Variants in ITSN2 observed in about 807,000 individuals in gnomAD.
The protein encoded by ITSN2 is intersectin-2.
A neutral mutation model predicts 243.7 loss-of-function variants in ITSN2; 156 were observed. The ratio of observed to expected loss-of-function variants is 0.64; its 90% CI spans 0.56 to 0.73. ITSN2 has a LOEUF of 0.73. Among genes scored for constraint, ITSN2 ranks in the 30% least tolerant of loss-of-function variants. ITSN2 has a pLI of 0.00. For synonymous variants in ITSN2, 703 were observed against 699.9 expected, an observed-to-expected ratio of 1.00 and a Z score of -0.07; for missense variants, 1,801 against 1,996.1, an observed-to-expected ratio of 0.90 and a Z score of 1.86.
chr2:24,330,544 A>C, intron 1 of ITSN2: 2 of 778,928 alleles, frequency 2.6e-6, no homozygotes, highest in South Asian at 1.3e-5. Flanking sequence ...CCTGCAAAGA[A>C]GGGAGAGAAG....
intron 30 of ITSN2, among the ~76,000 whole-genome samples, chr2:24,218,986 C>A (rs72795832): frequency 0.19 from 29,285 of 152,152 alleles, 3,264 homozygotes; most frequent in Non-Finnish European, 0.26. Context: ...ATGAGACCTG[C>A]CCCCTGCCAA....
intron 34 of ITSN2, 195 bp from the exon 35 acceptor site, chr2:24,210,228 T>C (rs1669332052): frequency 1.7e-6 from 1 of 573,336 alleles, no homozygotes; most frequent in Non-Finnish European, 3.1e-6. Flanking sequence ...GTGAAAATCA[T>C]TACTTCTAGC....
Position 24,294,197 on chromosome 2 carries a change from A to G in ITSN2, c.1636-422T>C, listed in dbSNP as rs574057929. On this transcript the variant is annotated intron_variant, in intron 14 of 39. Transcript: ENST00000355123. ...TCTCAGCACTTTGGGAGGCCAAGGC[A>G]GGTGGATCACTTGAGGTCAGGAGTT... Among the ~76,000 whole-genome samples, 3 of 152,282 alleles carry G rather than the reference A, an allele frequency of 2.0e-5. No homozygotes were observed. In the South Asian group the frequency reaches 6.2e-4, roughly 32 times the overall value.
rs66728566 is a variant in ITSN2 at position 24,347,727 on chromosome 2, C to G, written c.-34+12577G>C. 8.9e-3 allele frequency among the ~76,000 whole-genome samples: 59 copies of G among 6,642 alleles called. No individual in the cohort carries two copies. The South Asian group carries it at 0.23, about 25-fold the overall frequency. The allele number at this position is 6,642 out of a possible 152,430, so 4.4% of individuals were successfully genotyped here. On this transcript the variant is annotated intron_variant, in intron 1 of 39. Coordinates refer to ENST00000355123, the MANE Select transcript of ITSN2 (RefSeq NM_006277.3). Reference sequence around the variant, plus strand: ...GAATATGAATGTAAATTTGGGTTTTCTTTTTTTTTTAATCTTACATGAACC... The same window carrying G: ...GAATATGAATGTAAATTTGGGTTTTGTTTTTTTTTTAATCTTACATGAACC...
At chr2:24,348,932 A>G (rs1165077444) in intron 1 of ITSN2, among the ~76,000 whole-genome samples, 1 of 152,208 alleles carries the variant, frequency 6.6e-6, no homozygotes, top group African/African-American at 2.4e-5. Flanking sequence ...ACTTTTGAAT[A>G]TAATATCAAA....
At chr2:24,302,262 G>T (rs549215685) in intron 9 of ITSN2, among the ~76,000 whole-genome samples, 160 bp from the exon 10 acceptor site, 1 of 151,938 alleles carries the variant, frequency 6.6e-6, no homozygotes, top group African/African-American at 2.4e-5. Context: ...GCAGTGGCGC[G>T]ATCTCAGCTC....
intron 20 of ITSN2, among the ~76,000 whole-genome samples, chr2:24,264,910 G>A (rs1676468795): frequency 6.7e-6 from 1 of 150,220 alleles, no homozygotes; most frequent in Non-Finnish European, 1.5e-5. Flanking sequence ...CTCGTCATTT[G>A]CTACAAAAAC....
chr2:24,337,337 T>TATATATATATATATAC (rs1558650656), intron 1 of ITSN2, among the ~76,000 whole-genome samples: 20 of 111,734 alleles, frequency 1.8e-4, no homozygotes, highest in South Asian at 1.6e-3. Flanking sequence ...TATATATATA[T>TATATATATATATATAC]ATATATATAT....
intron 29 of ITSN2, among the ~76,000 whole-genome samples, chr2:24,244,349 T>C (rs930275555): frequency 6.6e-6 from 1 of 152,148 alleles, no homozygotes; most frequent in Admixed American, 6.5e-5. Flanking sequence ...CTTCATAAAA[T>C]AGGCGGGGGA....
At position 24,225,090 on chromosome 2, in the gene ITSN2, G is replaced by A. The variant is rs1286492982; in HGVS notation, c.3578-4024C>T. The stretch of plus-strand genomic sequence containing the variant: ...TCCCTGTGTGTCCTTCCTGAGTTAG[G>A]GAAGGAGGGGTCCTGTTTCTTTCTA... On this transcript the variant is annotated intron_variant, in intron 29 of 39. Transcript: ENST00000355123. The surrounding 1 kb of genome is among the most constrained non-coding windows in gnomAD (Gnocchi z 4.2). Among the ~76,000 whole-genome samples, 1 of 152,250 alleles carries A rather than the reference G, an allele frequency of 6.6e-6. No individual in the cohort carries two copies. Among genetic ancestry groups the A allele is most frequent in the Non-Finnish European group, 1.5e-5 (1 of 68,020 alleles).
At chr2:24,266,112 C>A (rs917171176) in intron 20 of ITSN2, among the ~76,000 whole-genome samples, 3 of 152,210 alleles carry the variant, frequency 2.0e-5, no homozygotes, top group African/African-American at 7.2e-5. Flanking sequence ...CAAGGCCTTC[C>A]TCCATCCTAT....
intron 23 of ITSN2, among the ~76,000 whole-genome samples, chr2:24,257,424 G>A (rs544636914): frequency 2.0e-5 from 3 of 151,766 alleles, no homozygotes; most frequent in Admixed American, 6.6e-5. Context: ...AAATACCTGA[G>A]GTATGCTTTT....
chr2:24,282,951 TTC>T (rs1019408164), intron 17 of ITSN2, among the ~76,000 whole-genome samples: 11 of 151,994 alleles, frequency 7.2e-5, no homozygotes, highest in African/African-American at 2.4e-5. Context: ...ATCTCAATCT[TTC>T]TCTCTTTCCC....
chr2:24,286,199 C>G lies in ITSN2; in HGVS notation c.1863+13G>C. 1 of 1,511,952 alleles carries G rather than the reference C, an allele frequency of 6.6e-7. No individual in the cohort carries two copies. The highest frequency in any genetic ancestry group is 1.2e-5 in the South Asian group (1 of 81,008). The allele number at this position is 1,511,952 out of a possible 1,614,324, so 93.7% of individuals were successfully genotyped here. ...GCAGTTACCTAAAAATAAATAGTAT[C>G]AAAAATAAATACCTTTAGTTGATTG... On this transcript the variant is annotated intron_variant, in intron 16 of 39. Coordinates refer to ENST00000355123, the MANE Select transcript of ITSN2 (RefSeq NM_006277.3).
In ITSN2 at chr2:24,339,450, G is replaced by A. The variant is rs1042990591; in HGVS notation, c.-33-11335C>T. 4.1e-4 allele frequency among the ~76,000 whole-genome samples: 60 copies of A among 145,230 alleles called. 1 individual carries two copies. The highest frequency in any genetic ancestry group is 4.1e-3 in the Admixed American group (59 of 14,300). On this transcript the variant is annotated intron_variant, in intron 1 of 39. Transcript: ENST00000355123. ...TGCGCCACTGCACTCCAGCCTGAGC[G>A]ACAGAGTGAGACGCCGTCTCAAAAA...
At chr2:24,332,012 G>A (rs1203391503) in intron 1 of ITSN2, among the ~76,000 whole-genome samples, 1 of 152,240 alleles carries the variant, frequency 6.6e-6, no homozygotes, top group African/African-American at 2.4e-5. Flanking sequence ...GGGAGGCCAA[G>A]GCAGGCAGAT....
intron 20 of ITSN2, among the ~76,000 whole-genome samples, chr2:24,267,863 T>G (rs1055235693): frequency 3.3e-5 from 5 of 152,216 alleles, no homozygotes; most frequent in African/African-American, 9.6e-5. Flanking sequence ...CCAAAAGCTT[T>G]TAAAAGTATT....
intron 20 of ITSN2, among the ~76,000 whole-genome samples, chr2:24,262,105 A>G (rs192074382): frequency 9.2e-5 from 14 of 152,214 alleles, no homozygotes; most frequent in African/African-American, 2.9e-4. Context: ...TGAATAACAT[A>G]TTTATACTGC....
At chr2:24,336,372 T>C (rs1311495480) in intron 1 of ITSN2, among the ~76,000 whole-genome samples, 1 of 152,166 alleles carries the variant, frequency 6.6e-6, no homozygotes, top group Non-Finnish European at 1.5e-5. Context: ...AGCTACTAGT[T>C]TTTTCTTAAA....
Sources: allele counts gnomAD v4.1 joint callset (sites outside exome capture counted in the v4.1 genomes callset), GRCh38; gene constraint gnomAD v4.1.1; non-coding constraint Gnocchi (gnomAD v3.1); transcripts MANE v1.5; gene names NCBI Gene and HGNC (gene_info 2026-07-23, HGNC 2026-07-21).